The following PPFIA2 variants were observed in gnomAD, a reference collection of about 807,000 sequenced individuals.
PPFIA2 encodes the protein PPFI scaffold protein A2, also known as liprin-alpha-2.
Under a neutral mutation model 175.5 loss-of-function variants are expected in PPFIA2, and 46 were observed. That is an observed-to-expected ratio of 0.26 (90% CI 0.21 to 0.34). PPFIA2 has a LOEUF of 0.34. Among genes scored for constraint, PPFIA2 ranks in the 10% least tolerant of loss-of-function variants. The pLI is 1.00. For synonymous variants in PPFIA2, 568 were observed against 511.4 expected (o/e 1.11, Z -1.49); for missense variants, 1,179 against 1,506.1 (o/e 0.78, Z 3.60).
At chr12:81,659,764 G>A (rs1038679995) in intron 4 of PPFIA2, among the ~76,000 whole-genome samples, 5 of 152,176 alleles carry the variant, frequency 3.3e-5, no homozygotes, top group African/African-American at 1.2e-4. Flanking sequence ...CTCCTCAAGT[G>A]AGTCCCTGAC....
At chr12:81,514,734 T>C (rs2062194903) in intron 4 of PPFIA2, among the ~76,000 whole-genome samples, 1 of 151,954 alleles carries the variant, frequency 6.6e-6, no homozygotes, top group Admixed American at 6.6e-5. Context: ...AATGATAAAG[T>C]TGATGTCTGT....
At chr12:81,652,548 T>C (rs1024543078) in intron 4 of PPFIA2, among the ~76,000 whole-genome samples, 3 of 152,070 alleles carry the variant, frequency 2.0e-5, no homozygotes, top group African/African-American at 7.2e-5. Flanking sequence ...AAATCAGTTA[T>C]ATCAATTACT....
In PPFIA2 at chr12:81,471,472, CT is replaced by C. The variant is rs763523467; in HGVS notation, c.304-13607del. Among the ~76,000 whole-genome samples, 617 of 137,062 alleles carry C rather than the reference CT, an allele frequency of 4.5e-3. 6 individuals carry two copies. The highest frequency in any genetic ancestry group is 0.029 in the East Asian group (141 of 4,804). 89.9% of individuals were successfully genotyped at this position (137,062 alleles called of 152,430 possible). On this transcript the variant is annotated intron_variant, in intron 4 of 32. Transcript: ENST00000549396. ...AGCCACAGTGCCTGGCTTGGGTTTC[CT>C]TTTTTTTTTTTTCAAGGGTGAATAA...
At chr12:81,619,661 A>T (rs2061808753) in intron 4 of PPFIA2, among the ~76,000 whole-genome samples, 1 of 152,222 alleles carries the variant, frequency 6.6e-6, no homozygotes, top group African/African-American at 2.4e-5. Context: ...ATTTTTGCAA[A>T]CAAAATGCTA....
At chr12:81,408,232 C>T (rs1041249900) in intron 7 of PPFIA2, among the ~76,000 whole-genome samples, 4 of 152,038 alleles carry the variant, frequency 2.6e-5, no homozygotes, top group Non-Finnish European at 4.4e-5. Context: ...TTTTATATTA[C>T]ACTCTTAACT....
At chr12:81,294,748 G>A in intron 24 of PPFIA2, 87 bp downstream of exon 24, 1 of 1,206,664 alleles carries the variant, frequency 8.3e-7, no homozygotes, top group East Asian at 2.5e-5. Context: ...ACATTGAAAT[G>A]TGTGCTGTCA....
At chr12:81,691,747 T>C (rs2075269443) in intron 3 of PPFIA2, among the ~76,000 whole-genome samples, 1 of 152,108 alleles carries the variant, frequency 6.6e-6, no homozygotes, top group Admixed American at 6.6e-5. Context: ...CAAACTTTAA[T>C]TAGCTGTGGA....
chr12:81,618,492 T>G (rs939325959), intron 4 of PPFIA2, among the ~76,000 whole-genome samples: 4 of 151,856 alleles, frequency 2.6e-5, no homozygotes, highest in African/African-American at 9.6e-5. Context: ...TAAAAGAACT[T>G]TCATTTTAAA....
chr12:81,306,585 G>T (rs538550520), intron 22 of PPFIA2, among the ~76,000 whole-genome samples: 7 of 142,248 alleles, frequency 4.9e-5, no homozygotes, highest in Non-Finnish European at 9.1e-5. Flanking sequence ...CTGTCTTCCA[G>T]GCTGCAGTGC....
chr12:81,742,752 A>C (rs1417285069), intron 3 of PPFIA2, among the ~76,000 whole-genome samples: 1 of 152,164 alleles, frequency 6.6e-6, no homozygotes, highest in Non-Finnish European at 1.5e-5. Context: ...TGGAGTAATC[A>C]AGCATTAAGA....
intron 4 of PPFIA2, among the ~76,000 whole-genome samples, chr12:81,474,537 C>T (rs1348652257): frequency 3.3e-5 from 5 of 152,138 alleles, no homozygotes; most frequent in Admixed American, 2.0e-4. Context: ...AGTGATCCGC[C>T]TGTGCCAGCC....
At chr12:81,583,190 A>C (rs1179966275) in intron 4 of PPFIA2, among the ~76,000 whole-genome samples, 3 of 151,966 alleles carry the variant, frequency 2.0e-5, no homozygotes, top group Admixed American at 6.6e-5. Flanking sequence ...ATTATCCCCC[A>C]AAAAGACATT....
At chr12:81,722,955 T>C (rs1282604978) in intron 3 of PPFIA2, among the ~76,000 whole-genome samples, 1 of 151,126 alleles carries the variant, frequency 6.6e-6, no homozygotes. Context: ...GTTCAACTTG[T>C]CAGGTTCAGA....
intron 22 of PPFIA2, among the ~76,000 whole-genome samples, chr12:81,306,463 ACT>A (rs1271997271): frequency 2.0e-5 from 3 of 151,860 alleles, no homozygotes; most frequent in Admixed American, 1.3e-4. Context: ...TACAAAAGTA[ACT>A]CACACAAAAG....
intron 8 of PPFIA2, among the ~76,000 whole-genome samples, chr12:81,404,695 T>C (rs1220372276): frequency 1.3e-5 from 2 of 152,204 alleles, no homozygotes; most frequent in Admixed American, 1.3e-4. Context: ...GCCACCAGAA[T>C]TGAAGCTTCT....
At chr12:81,401,387 C>G (rs1328546422) in intron 8 of PPFIA2, among the ~76,000 whole-genome samples, 1 of 152,160 alleles carries the variant, frequency 6.6e-6, no homozygotes, top group Admixed American at 6.5e-5. Context: ...AACTCAGAGT[C>G]AGCGGTGTTA....
chr12:81,706,951 G>C (rs1409778089), intron 3 of PPFIA2, among the ~76,000 whole-genome samples: 3 of 152,028 alleles, frequency 2.0e-5, no homozygotes, highest in Non-Finnish European at 2.9e-5. Context: ...ATGGTGCTGG[G>C]AAAACTGGCT....
intron 30 of PPFIA2, among the ~76,000 whole-genome samples, chr12:81,264,737 T>C (rs1437151352): frequency 6.6e-6 from 1 of 152,182 alleles, no homozygotes; most frequent in African/African-American, 2.4e-5. Flanking sequence ...AAAATCTACA[T>C]TTTGTTTCAG....
At chr12:81,594,297 T>C (rs1182205613) in intron 4 of PPFIA2, among the ~76,000 whole-genome samples, 1 of 152,194 alleles carries the variant, frequency 6.6e-6, no homozygotes, top group Admixed American at 6.5e-5. Flanking sequence ...AAACCTATAG[T>C]AAAGTTTCTT....
Sources: allele counts gnomAD v4.1 joint callset (sites outside exome capture counted in the v4.1 genomes callset), GRCh38; gene constraint gnomAD v4.1.1; transcripts MANE v1.5; gene names NCBI Gene and HGNC (gene_info 2026-07-23, HGNC 2026-07-21).